Variants in DAB1 observed in about 807,000 individuals in gnomAD.
The protein encoded by DAB1 is DAB adaptor protein 1.
DAB1 carries 15 observed loss-of-function variants against 64.6 expected under a neutral mutation model. That is an observed-to-expected ratio of 0.23 (90% CI 0.16 to 0.36). The LOEUF is 0.36. DAB1 is among the 10% of genes least tolerant of loss of function. The pLI is 1.00. For missense variants in DAB1, 596 were observed against 706.7 expected (o/e 0.84, Z 1.78); for synonymous variants, 235 against 251.9 (o/e 0.93, Z 0.64).
At chr1:57,495,884 T>A (rs763509255) in intron 7 of DAB1, among the ~76,000 whole-genome samples, 30 of 152,300 alleles carry the variant, frequency 2.0e-4, no homozygotes, top group Non-Finnish European at 3.8e-4. Flanking sequence ...GAATTCAACA[T>A]CATTTTTATC....
intron 2 of DAB1, among the ~76,000 whole-genome samples, chr1:57,285,887 T>A (rs1028631884): frequency 6.6e-6 from 1 of 152,140 alleles, no homozygotes; most frequent in Non-Finnish European, 1.5e-5. Context: ...ATACGGAGAT[T>A]ACAAATAACA....
Position 57,011,240 on chromosome 1 carries a change from A to G in DAB1, c.1477T>C (p.Ser493Pro). The G allele has an allele frequency of 2.5e-6, 4 of 1,614,012 alleles. No individual in the cohort carries two copies. Among genetic ancestry groups the G allele is most frequent in the South Asian group, 2.2e-5 (2 of 91,072 alleles). ...CTGGCATGGGATGCAGATGATTTGGATGGAGAGCTCTGTCTAGGGGCTGGG... is the reference window on the plus strand; with the variant it reads ...CTGGCATGGGATGCAGATGATTTGGGTGGAGAGCTCTGTCTAGGGGCTGGG... Reference protein sequence around the residue: ...PTPAPRQSSPSKSSASHASDP... With the variant: ...PTPAPRQSSPPKSSASHASDP... The change falls in exon 13 of 15, where the codon TCC (serine) becomes CCC (proline). Residue 493 changes from serine to proline, a missense_variant. Physicochemically the swap from Ser to Pro is moderately conservative, Grantham distance 74. Coordinates refer to ENST00000371236, the MANE Select transcript of DAB1 (RefSeq NM_001365792.1).
intron 3 of DAB1, among the ~76,000 whole-genome samples, chr1:58,503,059 C>T (rs1036768654): frequency 1.3e-5 from 2 of 152,060 alleles, no homozygotes; most frequent in African/African-American, 4.8e-5. Context: ...TTTACCTCTC[C>T]GAAGATGCTC....
intron 6 of DAB1, among the ~76,000 whole-genome samples, chr1:57,650,146 CT>C (rs1262944503): frequency 2.0e-5 from 3 of 151,910 alleles, no homozygotes; most frequent in Non-Finnish European, 2.9e-5. Context: ...TCTTCGTCTT[CT>C]TTTTTTTAGA....
chr1:57,454,467 A>G (rs1686504308), intron 7 of DAB1, among the ~76,000 whole-genome samples: 1 of 152,088 alleles, frequency 6.6e-6, no homozygotes, highest in Admixed American at 6.6e-5. Flanking sequence ...GAACCCCTGA[A>G]CACAAAGAAA....
chr1:57,512,750 G>C (rs1019039625), intron 7 of DAB1, among the ~76,000 whole-genome samples: 1 of 152,182 alleles, frequency 6.6e-6, no homozygotes, highest in East Asian at 1.9e-4. Flanking sequence ...GCATTGCCTG[G>C]ACCCCAGCTT....
At chr1:57,713,244 A>T (rs997531981) in intron 6 of DAB1, among the ~76,000 whole-genome samples, 5 of 152,204 alleles carry the variant, frequency 3.3e-5, no homozygotes, top group African/African-American at 1.2e-4. Context: ...CTCAAGAACC[A>T]TGCCCAGTAG....
intron 2 of DAB1, among the ~76,000 whole-genome samples, chr1:58,512,520 A>G (rs1244799365): frequency 2.0e-5 from 3 of 152,244 alleles, no homozygotes; most frequent in African/African-American, 7.2e-5. Flanking sequence ...GCGAATGAAC[A>G]GATTAAGAAA....
intron 1 of DAB1, among the ~76,000 whole-genome samples, chr1:57,422,042 G>C (rs1684951941): frequency 6.6e-6 from 1 of 152,028 alleles, no homozygotes; most frequent in Admixed American, 6.6e-5. Flanking sequence ...CTAATTCAAG[G>C]GGTGGGGATG....
At chr1:57,606,629 TATA>T (rs1201950133) in intron 7 of DAB1, among the ~76,000 whole-genome samples, 1 of 115,660 alleles carries the variant, frequency 8.6e-6, no homozygotes, top group Non-Finnish European at 1.6e-5. Flanking sequence ...ATATATGAAA[TATA>T]TTATATATGA....
chr1:57,387,884 C>G (rs1008154086), intron 1 of DAB1, among the ~76,000 whole-genome samples: 2 of 151,554 alleles, frequency 1.3e-5, no homozygotes, highest in Admixed American at 6.6e-5. Context: ...CTGGTACCAG[C>G]CCTTCCACCA....
intron 6 of DAB1, among the ~76,000 whole-genome samples, chr1:57,680,127 A>G (rs1204645764): frequency 2.0e-5 from 3 of 152,206 alleles, no homozygotes; most frequent in Admixed American, 6.5e-5. Flanking sequence ...ATTCAATATG[A>G]GAAAACAGCA....
intron 7 of DAB1, among the ~76,000 whole-genome samples, chr1:57,541,990 G>C (rs974532728): frequency 6.6e-6 from 1 of 152,142 alleles, no homozygotes; most frequent in African/African-American, 2.4e-5. Flanking sequence ...GGGTGGGGGA[G>C]GGTGTGTGCA....
intron 5 of DAB1, among the ~76,000 whole-genome samples, chr1:58,083,161 G>C (rs973747473): frequency 6.6e-6 from 1 of 151,996 alleles, no homozygotes; most frequent in African/African-American, 2.4e-5. Flanking sequence ...AGAAATAAAG[G>C]CACGTCAGCT....
intron 5 of DAB1, among the ~76,000 whole-genome samples, chr1:57,968,294 A>G (rs2100298652): frequency 6.6e-6 from 1 of 152,318 alleles, no homozygotes; most frequent in East Asian, 1.9e-4. Flanking sequence ...CAACAGAGGT[A>G]TAATTTTCTT....
At chr1:58,446,691 G>A (rs982278997) in intron 3 of DAB1, among the ~76,000 whole-genome samples, 3 of 152,192 alleles carry the variant, frequency 2.0e-5, no homozygotes, top group South Asian at 2.1e-4. Flanking sequence ...ACTCTCTGCT[G>A]TCAACTCCAT....
At chr1:58,359,090 T>C (rs1284748829) in intron 3 of DAB1, among the ~76,000 whole-genome samples, 2 of 152,002 alleles carry the variant, frequency 1.3e-5, no homozygotes, top group Non-Finnish European at 2.9e-5. Context: ...ACCATTTCAT[T>C]AGCCAACGAT....
intron 1 of DAB1, among the ~76,000 whole-genome samples, chr1:57,409,263 C>T (rs868470830): frequency 2.0e-5 from 3 of 152,182 alleles, no homozygotes; most frequent in Non-Finnish European, 4.4e-5. Context: ...CTCTGTCTTT[C>T]GCTTCTTTGT....
intron 6 of DAB1, among the ~76,000 whole-genome samples, chr1:57,752,532 C>T (rs1305241476): frequency 1.3e-5 from 2 of 152,150 alleles, no homozygotes; most frequent in Non-Finnish European, 2.9e-5. Flanking sequence ...ACAAAATAAG[C>T]TTTCTATTAG....
Sources: allele counts gnomAD v4.1 joint callset (sites outside exome capture counted in the v4.1 genomes callset), GRCh38; gene constraint gnomAD v4.1.1; transcripts MANE v1.5; gene names NCBI Gene and HGNC (gene_info 2026-07-23, HGNC 2026-07-21).